The following PARD3B variants were observed in gnomAD, a reference collection of about 807,000 sequenced individuals.
PARD3B encodes the protein par-3 family cell polarity regulator beta.
PARD3B carries 103 observed loss-of-function variants against 130.2 expected under a neutral mutation model. The observed-to-expected ratio is 0.79, with a 90% CI of 0.67 to 0.93. PARD3B has a LOEUF of 0.93. Ranked by LOEUF, PARD3B falls within the 40% of genes least tolerant of loss-of-function variation. The pLI is 0.00. For missense variants in PARD3B, 1,609 were observed against 1,499.2 expected, an observed-to-expected ratio of 1.07 and a Z score of -1.21; for synonymous variants, 583 against 553.2, an observed-to-expected ratio of 1.05 and a Z score of -0.76.
chr2:204,549,757 G>A (rs2125040979), intron 1 of PARD3B, among the ~76,000 whole-genome samples: 1 of 152,242 alleles, frequency 6.6e-6, no homozygotes, highest in East Asian at 1.9e-4. Context: ...AACAGAATAA[G>A]CACAATACAT....
chr2:204,857,231 G>A (rs1040852134), intron 2 of PARD3B, among the ~76,000 whole-genome samples: 3 of 152,098 alleles, frequency 2.0e-5, no homozygotes, highest in Non-Finnish European at 2.9e-5. Flanking sequence ...GATTCATGAA[G>A]GCACATCTTT....
At chr2:204,713,444 G>GT (rs1348714795) in intron 2 of PARD3B, among the ~76,000 whole-genome samples, 1 of 150,356 alleles carries the variant, frequency 6.7e-6, no homozygotes. Flanking sequence ...TAAGTATGCA[G>GT]TTTTGTGGCA....
At chr2:205,516,977 G>A (rs2050818289) in intron 21 of PARD3B, among the ~76,000 whole-genome samples, 1 of 151,966 alleles carries the variant, frequency 6.6e-6, no homozygotes, top group African/African-American at 2.4e-5. Flanking sequence ...AACATGAAGG[G>A]GTACTGAATT....
intron 10 of PARD3B, among the ~76,000 whole-genome samples, chr2:205,140,415 C>T (rs1006205610): frequency 1.5e-5 from 2 of 130,998 alleles, no homozygotes; most frequent in East Asian, 4.7e-4. Flanking sequence ...GATGATTGAG[C>T]GTGGTATTGA....
chr2:205,011,577 C>A lies in PARD3B; in HGVS notation c.395-36004C>A, dbSNP rs1162160793. On this transcript the variant is annotated intron_variant, in intron 3 of 22. Coordinates refer to ENST00000406610, the MANE Select transcript of PARD3B (RefSeq NM_001302769.2). This position sits in a 1 kb window ranked among gnomAD's most constrained non-coding sequence, Gnocchi z 4.1. ...AACCTTGGTGCACTGTAGGAAGGAA[C>A]TACATAGTGTAAATCCAGGCAGTGG... 6.6e-6 allele frequency among the ~76,000 whole-genome samples: 1 copy of A among 152,166 alleles called. No individual in the cohort carries two copies. Among genetic ancestry groups the A allele is most frequent in the African/African-American group, 2.4e-5 (1 of 41,442 alleles).
chr2:205,547,764 C>G (rs1451877815), intron 21 of PARD3B, among the ~76,000 whole-genome samples: 1 of 152,190 alleles, frequency 6.6e-6, no homozygotes, highest in African/African-American at 2.4e-5. Flanking sequence ...GCATACCTCT[C>G]ATTTAGTCAG....
Position 205,568,629 on chromosome 2 carries a change from C to T in PARD3B, c.3260+15226C>T, listed in dbSNP as rs1046837363. 2.6e-5 allele frequency among the ~76,000 whole-genome samples: 4 copies of T among 152,132 alleles called. No homozygotes were observed. The highest frequency in any genetic ancestry group is 4.8e-5 in the African/African-American group (2 of 41,420). On this transcript the variant is annotated intron_variant, in intron 22 of 22. Coordinates refer to ENST00000406610, the MANE Select transcript of PARD3B (RefSeq NM_001302769.2). The surrounding 1 kb of genome is among the most constrained non-coding windows in gnomAD (Gnocchi z 5.3). ...TGTGTGCTGTGGCTTTACCTAGGAT[C>T]GTGGCTATACACACAGGCGAGGTAA...
chr2:205,448,542 C>T (rs1250993149), intron 20 of PARD3B, among the ~76,000 whole-genome samples: 2 of 152,120 alleles, frequency 1.3e-5, no homozygotes, highest in African/African-American at 2.4e-5. Context: ...AGGGTTAGCC[C>T]ATTGTTGTAG....
At position 204,965,284 on chromosome 2, in the gene PARD3B, G is replaced by A; in HGVS notation, c.355G>A (p.Gly119Ser). The change falls in exon 3 of 23, where the codon GGT becomes AGT. Residue 119 changes from glycine to serine, a missense_variant. Transcript: ENST00000406610. ...CCAACTGGCCGCATTTAAGCCAATT[G>A]GTGGGGAGATTGAAGTAACCCCTTC... ...AAQLAAFKPI[G>S]GEIEVTPSAL... 4 of 1,613,884 alleles carry A rather than the reference G, an allele frequency of 2.5e-6. No individual in the cohort carries two copies. Among genetic ancestry groups the A allele is most frequent in the East Asian group, 2.2e-5 (1 of 44,874 alleles).
chr2:204,807,856 G>A (rs1480005536), intron 2 of PARD3B, among the ~76,000 whole-genome samples: 1 of 151,760 alleles, frequency 6.6e-6, no homozygotes, highest in Admixed American at 6.6e-5. Flanking sequence ...GTGGGGGTTG[G>A]GGGTAGTGGG....
intron 19 of PARD3B, among the ~76,000 whole-genome samples, chr2:205,402,916 G>T (rs530459482): frequency 9.9e-4 from 151 of 152,294 alleles, no homozygotes; most frequent in African/African-American, 3.4e-3. Flanking sequence ...TAGAATTAAT[G>T]ACCAAAGGCA....
Position 205,198,313 on chromosome 2 carries a change from A to T in PARD3B, c.2140+4993A>T, listed in dbSNP as rs114323195. 2.7e-3 allele frequency among the ~76,000 whole-genome samples: 405 copies of T among 152,310 alleles called. 2 individuals are homozygous for T. Among genetic ancestry groups the T allele is most frequent in the African/African-American group, 9.3e-3 (385 of 41,568 alleles). ...AGTAAGAGGAAATGAGCTTAAAGTG[A>T]TGCATGAGGCATTCAGACGAAATTT... On this transcript the variant is annotated intron_variant, in intron 15 of 22. Coordinates refer to ENST00000406610, the MANE Select transcript of PARD3B (RefSeq NM_001302769.2).
intron 2 of PARD3B, among the ~76,000 whole-genome samples, chr2:204,712,346 C>T (rs2125301800): frequency 6.6e-6 from 1 of 152,228 alleles, no homozygotes; most frequent in East Asian, 1.9e-4. Context: ...GCCGCAGTGG[C>T]TCACACCTGT....
At chr2:204,783,575 G>T (rs1574973089) in intron 2 of PARD3B, among the ~76,000 whole-genome samples, 1 of 152,118 alleles carries the variant, frequency 6.6e-6, no homozygotes, top group Non-Finnish European at 1.5e-5. Flanking sequence ...CTATAGATTG[G>T]TGCAAAAGTA....
In PARD3B at chr2:205,550,007, A is replaced by G. The variant is rs1003031774; in HGVS notation, c.3181-3317A>G. ...CAGCAATAGCCACAGTAGGAGCAAC[A>G]GTAGTATAGTTGCTAGTTAGTAGTA... On this transcript the variant is annotated intron_variant, in intron 21 of 22. Coordinates refer to ENST00000406610, the MANE Select transcript of PARD3B (RefSeq NM_001302769.2). The surrounding 1 kb of genome is among the most constrained non-coding windows in gnomAD (Gnocchi z 4.5). Among the ~76,000 whole-genome samples, 1 of 152,212 alleles carries G rather than the reference A, an allele frequency of 6.6e-6. No individual in the cohort carries two copies. Among genetic ancestry groups the G allele is most frequent in the East Asian group, 1.9e-4 (1 of 5,198 alleles).
At chr2:204,715,367 G>A (rs2038668286) in intron 2 of PARD3B, among the ~76,000 whole-genome samples, 2 of 151,920 alleles carry the variant, frequency 1.3e-5, no homozygotes, top group African/African-American at 4.8e-5. Flanking sequence ...TTTTGTAGTG[G>A]GTGGATTCTT....
chr2:205,206,762 A>G (rs2037339111), intron 15 of PARD3B, among the ~76,000 whole-genome samples: 1 of 152,066 alleles, frequency 6.6e-6, no homozygotes, highest in African/African-American at 2.4e-5. Flanking sequence ...AAATGGTATA[A>G]TAATGGGAGA....
rs77254624 is a variant in PARD3B at position 204,843,049 on chromosome 2, G to A, written c.223-122103G>A. The stretch of plus-strand genomic sequence containing the variant: ...TGCGTGTCTGGGCCCTCCTGGCAGA[G>A]TTCCTGATTCAGTAGGTCTGAGCTG... On this transcript the variant is annotated intron_variant, in intron 2 of 22. Coordinates refer to ENST00000406610, the MANE Select transcript of PARD3B (RefSeq NM_001302769.2). Among the ~76,000 whole-genome samples, 1,291 of 152,230 alleles carry A rather than the reference G, an allele frequency of 8.5e-3. 8 individuals are homozygous for A. The highest frequency in any genetic ancestry group is 0.031 in the South Asian group (151 of 4,818).
chr2:205,453,860 G>A lies in PARD3B; in HGVS notation c.3044+13188G>A, dbSNP rs534738694. 1.3e-3 allele frequency among the ~76,000 whole-genome samples: 200 copies of A among 152,294 alleles called. 3 individuals are homozygous for A. In the South Asian group the frequency reaches 0.027, roughly 21 times the overall value. On this transcript the variant is annotated intron_variant, in intron 20 of 22. Transcript: ENST00000406610. ...GTGGACATAGGGTATGTGTATAGCT[G>A]AGTATTGGCACATGATGCAAAATGC...
Sources: gnomAD v4.1 joint callset for allele counts (sites outside exome capture counted in the v4.1 genomes callset) on GRCh38, gnomAD v4.1.1 for gene constraint, Gnocchi (gnomAD v3.1) non-coding constraint, MANE v1.5 for transcripts, NCBI Gene and HGNC (gene_info 2026-07-23, HGNC 2026-07-21) for gene names.